Variants in GMDS observed in about 807,000 individuals in gnomAD.
The protein encoded by GMDS is GDP-mannose 4,6-dehydratase.
In GMDS, 20 loss-of-function variants were observed where a neutral mutation model predicts 49.9. That is an observed-to-expected ratio of 0.40 (90% CI 0.28 to 0.58). The LOEUF (loss-of-function observed/expected upper bound fraction) is 0.58, where lower values mean the gene tolerates loss of function less well. Ranked by LOEUF, GMDS falls within the 20% of genes least tolerant of loss-of-function variation. The pLI, the probability that GMDS is intolerant of heterozygous loss-of-function variation, is 0.42. For synonymous variants in GMDS, 177 were observed against 178.6 expected, an observed-to-expected ratio of 0.99 and a Z score of 0.07; for missense variants, 362 against 481.4, an observed-to-expected ratio of 0.75 and a Z score of 2.32.
intron 9 of GMDS, among the ~76,000 whole-genome samples, chr6:1,665,638 T>A (rs758911063): frequency 5.3e-5 from 8 of 152,216 alleles, no homozygotes; most frequent in Non-Finnish European, 1.0e-4. Context: ...TTGTTTTCCA[T>A]GTCTTGGTTT....
intron 1 of GMDS, among the ~76,000 whole-genome samples, chr6:2,155,930 A>G (rs1361296745): frequency 6.6e-6 from 1 of 152,238 alleles, no homozygotes. Flanking sequence ...ACCTACTTAT[A>G]AAATCAAACT....
At chr6:1,792,117 C>T (rs947243295) in intron 7 of GMDS, among the ~76,000 whole-genome samples, 1 of 152,148 alleles carries the variant, frequency 6.6e-6, no homozygotes, top group Non-Finnish European at 1.5e-5. Context: ...TTGGTTAAGT[C>T]TATATTCATA....
At chr6:1,725,424 T>C (rs188047401) in intron 9 of GMDS, among the ~76,000 whole-genome samples, 1 of 152,156 alleles carries the variant, frequency 6.6e-6, no homozygotes, top group Non-Finnish European at 1.5e-5. Context: ...CTTGTTATAG[T>C]CTAGTGTAAG....
chr6:1,629,192 G>A (rs1762926194), intron 9 of GMDS, among the ~76,000 whole-genome samples: 1 of 152,170 alleles, frequency 6.6e-6, no homozygotes, highest in Non-Finnish European at 1.5e-5. Flanking sequence ...GGTGTAGCTT[G>A]AAGCCTTACA....
intron 7 of GMDS, among the ~76,000 whole-genome samples, chr6:1,825,167 T>A (rs912270165): frequency 3.3e-5 from 5 of 152,192 alleles, no homozygotes; most frequent in Non-Finnish European, 2.9e-5. Context: ...CAATGCCTAG[T>A]GGGTATTTAC....
chr6:1,699,322 G>A (rs955286599), intron 9 of GMDS, among the ~76,000 whole-genome samples: 1 of 151,772 alleles, frequency 6.6e-6, no homozygotes, highest in Non-Finnish European at 1.5e-5. Flanking sequence ...GTGAGGGGAG[G>A]AGGAGGGATG....
chr6:1,833,284 G>A lies in GMDS; in HGVS notation c.772-90698C>T, dbSNP rs184136500. On this transcript the variant is annotated intron_variant, in intron 7 of 10. Coordinates refer to ENST00000380815, the MANE Select transcript of GMDS (RefSeq NM_001500.4). This position sits in a 1 kb window ranked among gnomAD's most constrained non-coding sequence, Gnocchi z 4.4. Reference sequence around the variant, plus strand: ...CACGTGTCAGTGACTTCCAGAGAAGGGGAGGCCCCAGAACAACACTGGACA... The same window carrying A: ...CACGTGTCAGTGACTTCCAGAGAAGAGGAGGCCCCAGAACAACACTGGACA... Among the ~76,000 whole-genome samples the A allele has an allele frequency of 6.0e-4, 91 of 151,990 alleles. No individual in the cohort carries two copies. The highest frequency in any genetic ancestry group is 2.1e-3 in the African/African-American group (85 of 41,460).
At chr6:2,165,810 CAA>C (rs1777640347) in intron 1 of GMDS, among the ~76,000 whole-genome samples, 1 of 151,954 alleles carries the variant, frequency 6.6e-6, no homozygotes, top group South Asian at 2.1e-4. Context: ...CATAATGCAA[CAA>C]GAGAACACTT....
At chr6:1,732,621 GA>G (rs1459207818) in intron 8 of GMDS, among the ~76,000 whole-genome samples, 1 of 152,170 alleles carries the variant, frequency 6.6e-6, no homozygotes, top group African/African-American at 2.4e-5. Flanking sequence ...CAGTACAATA[GA>G]ATTTCCAGAA....
chr6:2,025,980 C>T (rs1430511053), intron 4 of GMDS, among the ~76,000 whole-genome samples: 1 of 152,114 alleles, frequency 6.6e-6, no homozygotes, highest in Non-Finnish European at 1.5e-5. Context: ...CCACATAGTC[C>T]TTAGAACTTT....
At chr6:2,104,873 A>G (rs1459300439) in intron 4 of GMDS, among the ~76,000 whole-genome samples, 1 of 152,192 alleles carries the variant, frequency 6.6e-6, no homozygotes, top group Non-Finnish European at 1.5e-5. Context: ...ATCTTGCCAA[A>G]TGATAGAGTG....
At chr6:1,643,078 C>T (rs1326652109) in intron 9 of GMDS, among the ~76,000 whole-genome samples, 1 of 151,360 alleles carries the variant, frequency 6.6e-6, no homozygotes, top group East Asian at 1.9e-4. Flanking sequence ...TATCCTGAGT[C>T]TCTTCCCCTG....
intron 7 of GMDS, among the ~76,000 whole-genome samples, chr6:1,870,371 C>G (rs776267379): frequency 2.6e-5 from 4 of 152,148 alleles, no homozygotes; most frequent in Non-Finnish European, 5.9e-5. Context: ...CTTTCAGCAA[C>G]GAAGATACGC....
chr6:2,245,050 C>A lies in GMDS; in HGVS notation c.102+271G>T, dbSNP rs866472893. Among the ~76,000 whole-genome samples, 15 of 152,212 alleles carry A rather than the reference C, an allele frequency of 9.9e-5. No individual in the cohort carries two copies. The South Asian group carries it at 1.0e-3, about 10-fold the overall frequency. On this transcript the variant is annotated intron_variant, in intron 1 of 10. Coordinates refer to ENST00000380815, the MANE Select transcript of GMDS (RefSeq NM_001500.4). ...CACCTGAGGGGCAGGTGAGAGCGGG[C>A]GGTCCTGCCCGGGTGTGAGCGCGAC...
intron 7 of GMDS, among the ~76,000 whole-genome samples, chr6:1,874,100 C>T (rs987816213): frequency 2.6e-5 from 4 of 152,224 alleles, no homozygotes; most frequent in Non-Finnish European, 4.4e-5. Context: ...CGTGCCACCC[C>T]ACGGGGACTG....
chr6:1,902,702 G>A (rs1247454665), intron 7 of GMDS, among the ~76,000 whole-genome samples: 1 of 152,146 alleles, frequency 6.6e-6, no homozygotes, highest in Non-Finnish European at 1.5e-5. Context: ...AAGGCCAGTG[G>A]ACTTCTAAAA....
chr6:1,887,155 T>C (rs1313273572), intron 7 of GMDS, among the ~76,000 whole-genome samples: 1 of 152,208 alleles, frequency 6.6e-6, no homozygotes, highest in Non-Finnish European at 1.5e-5. Flanking sequence ...CAGCTATATA[T>C]ATTATTCAAT....
intron 6 of GMDS, among the ~76,000 whole-genome samples, chr6:1,956,186 G>T (rs543191214): frequency 1.4e-4 from 22 of 152,326 alleles, no homozygotes; most frequent in South Asian, 1.0e-3. Context: ...TTGAGGATCT[G>T]TCTACAGCTG....
At chr6:1,987,061 T>C (rs533688462) in intron 4 of GMDS, among the ~76,000 whole-genome samples, 16 of 152,276 alleles carry the variant, frequency 1.1e-4, no homozygotes, top group African/African-American at 3.9e-4. Flanking sequence ...ATGAGTGACA[T>C]GGTAGTGCTC....
Sources: gnomAD v4.1 joint callset for allele counts (sites outside exome capture counted in the v4.1 genomes callset) on GRCh38, gnomAD v4.1.1 for gene constraint, Gnocchi (gnomAD v3.1) non-coding constraint, MANE v1.5 for transcripts, NCBI Gene and HGNC (gene_info 2026-07-23, HGNC 2026-07-21) for gene names.